The following SYNE1 variants were observed in gnomAD, a reference collection of about 807,000 sequenced individuals.
The protein encoded by SYNE1 is spectrin repeat containing nuclear envelope protein 1.
SYNE1 carries 616 observed loss-of-function variants against 1,111.0 expected under a neutral mutation model. The observed-to-expected ratio is 0.55, with a 90% CI of 0.52 to 0.59. The LOEUF (loss-of-function observed/expected upper bound fraction) is 0.59. Among genes scored for constraint, SYNE1 ranks in the 20% least tolerant of loss-of-function variants. The probability of loss-of-function intolerance (pLI) is 0.00; values close to 1 mark genes in which losing one functional copy is unlikely to be tolerated. For synonymous variants in SYNE1, 3,855 were observed against 3,825.8 expected (o/e 1.01, Z -0.28); for missense variants, 10,006 against 10,417.0 (o/e 0.96, Z 1.72).
chr6:152,445,128 C>A (rs1463538523), intron 29 of SYNE1, among the ~76,000 whole-genome samples: 1 of 151,892 alleles, frequency 6.6e-6, no homozygotes, highest in Non-Finnish European at 1.5e-5. Flanking sequence ...GATAACAAAA[C>A]TGCATATATT....
chr6:152,539,336 T>C (rs1456759249), intron 4 of SYNE1, among the ~76,000 whole-genome samples: 1 of 152,178 alleles, frequency 6.6e-6, no homozygotes, highest in Non-Finnish European at 1.5e-5. Flanking sequence ...TATTTTTTCA[T>C]CAGCAGTACA....
intron 119 of SYNE1, among the ~76,000 whole-genome samples, chr6:152,219,508 C>T (rs58810620): frequency 7.7e-6 from 1 of 130,642 alleles, no homozygotes; most frequent in Non-Finnish European, 1.6e-5. Context: ...AAAAAAAAAA[C>T]AAACATGACC....
chr6:152,609,124 C>G (rs2099624151), intron 3 of SYNE1, among the ~76,000 whole-genome samples: 1 of 151,968 alleles, frequency 6.6e-6, no homozygotes, highest in African/African-American at 2.4e-5. Context: ...GGTTGGACAG[C>G]AGGTGCAGCC....
chr6:152,404,562 A>T (rs1198220714), intron 45 of SYNE1, among the ~76,000 whole-genome samples: 1 of 152,138 alleles, frequency 6.6e-6, no homozygotes, highest in African/African-American at 2.4e-5. Flanking sequence ...ATTAGGAAAA[A>T]AAAACCTCCT....
Position 152,367,286 on chromosome 6 carries a change from T to G in SYNE1, c.9904A>C (p.Met3302Leu). ...GTCGGGTGGCAGTATGAATCCAGCA[T>G]GTGAATCGCATCCGTCATCCAGTCT... ...LQDWMTDAIH[M>L]LDSYCHPTSD... Residue 3302 changes from methionine (M) to leucine (L), a missense_variant, in exon 62 of 146, where the codon ATG (methionine) becomes CTG (leucine). Met to Leu is a conservative substitution (Grantham distance 15, BLOSUM62 2). Coordinates refer to ENST00000367255, the MANE Select transcript of SYNE1 (RefSeq NM_182961.4). The G allele has an allele frequency of 6.2e-7, 1 of 1,614,240 alleles. No homozygotes were observed. The highest frequency in any genetic ancestry group is 8.5e-7 in the Non-Finnish European group (1 of 1,180,042).
intron 4 of SYNE1, among the ~76,000 whole-genome samples, chr6:152,538,050 G>A (rs2099252094): frequency 2.0e-5 from 3 of 152,162 alleles, no homozygotes; most frequent in Admixed American, 2.0e-4. Context: ...GCTCATCACT[G>A]CCATTATTCC....
At chr6:152,439,512 A>G (rs1024853223) in intron 32 of SYNE1, among the ~76,000 whole-genome samples, 3 of 152,202 alleles carry the variant, frequency 2.0e-5, no homozygotes, top group African/African-American at 7.2e-5. Context: ...TACAGGCATG[A>G]GCCATCGTAC....
chr6:152,208,522 C>T (rs1459366489), intron 124 of SYNE1, among the ~76,000 whole-genome samples: 1 of 152,130 alleles, frequency 6.6e-6, no homozygotes, highest in East Asian at 1.9e-4. Flanking sequence ...GCTGCAGGTG[C>T]AACGGGAATA....
intron 101 of SYNE1, among the ~76,000 whole-genome samples, chr6:152,260,771 T>C (rs2091874911): frequency 6.6e-6 from 1 of 151,756 alleles, no homozygotes; most frequent in Admixed American, 6.6e-5. Context: ...AAATTCATAA[T>C]AGAAGCATGC....
At chr6:152,580,992 CT>C (rs2099517364) in intron 3 of SYNE1, among the ~76,000 whole-genome samples, 1 of 152,196 alleles carries the variant, frequency 6.6e-6, no homozygotes, top group African/African-American at 2.4e-5. Flanking sequence ...TTGCTCTTCT[CT>C]TGGCTTCTTA....
At chr6:152,277,962 A>G (rs2153708539) in intron 98 of SYNE1, 127 bp downstream of exon 98, 1 of 980,856 alleles carries the variant, frequency 1.0e-6, no homozygotes, top group Non-Finnish European at 1.6e-6. Context: ...CTAAAATGTC[A>G]GCGTAAAGCA....
chr6:152,510,571 A>G (rs1181371093), intron 7 of SYNE1, among the ~76,000 whole-genome samples, 200 bp from the exon 8 acceptor site: 3 of 152,202 alleles, frequency 2.0e-5, no homozygotes, highest in Admixed American at 6.5e-5. Context: ...CTTACATACA[A>G]TAATCCATAT....
intron 38 of SYNE1, among the ~76,000 whole-genome samples, chr6:152,425,928 A>G (rs908808465): frequency 1.3e-5 from 2 of 152,234 alleles, no homozygotes; most frequent in Admixed American, 6.5e-5. Flanking sequence ...AGAATCAAAG[A>G]AAAACTATTG....
intron 120 of SYNE1, among the ~76,000 whole-genome samples, chr6:152,218,792 T>C (rs966257202): frequency 2.0e-4 from 30 of 152,180 alleles, no homozygotes; most frequent in African/African-American, 7.2e-4. Context: ...GGGGCTTGCA[T>C]CTTAAACCGA....
Position 152,323,468 on chromosome 6 carries a change from G to A in SYNE1, c.15917+10C>T, listed in dbSNP as rs1434685633. On this transcript the variant is annotated intron_variant, in intron 82 of 145. Coordinates refer to ENST00000367255, the MANE Select transcript of SYNE1 (RefSeq NM_182961.4). ...AACAAACAAAAGAATGAAAGTAGGT[G>A]CTTAATTACTTCAGGCACCGATCTT... 18 of 1,611,828 alleles carry A rather than the reference G, an allele frequency of 1.1e-5. No homozygotes were observed. In the Admixed American group the frequency reaches 3.0e-4, roughly 27 times the overall value.
chr6:152,278,172 G>A lies in SYNE1; in HGVS notation c.18490C>T (p.Gln6164Ter). Reference protein sequence around the residue: ...GKAHTKDEAEQLAGKLRRLKG... With the variant: ...GKAHTKDEAE ...AGCCTTCTCAGCTTTCCAGCCAGCTGCTCGGCCTCGTCCTTGGTGTGAGCT... is the reference window on the plus strand; with the variant it reads ...AGCCTTCTCAGCTTTCCAGCCAGCTACTCGGCCTCGTCCTTGGTGTGAGCT... Residue 6164 changes from glutamine to a stop codon, truncating the protein, a stop_gained, in exon 98 of 146, where the codon CAG becomes TAG. Transcript: ENST00000367255. LOFTEE classifies it high-confidence loss of function. 6.2e-7 allele frequency: 1 copy of A among 1,614,140 alleles called. No individual in the cohort carries two copies. The highest frequency in any genetic ancestry group is 1.1e-5 in the South Asian group (1 of 91,080).
rs1382904647 is a variant in SYNE1, at chr6:152,398,730, C to A, written c.7239G>T (p.Glu2413Asp). 5 of 1,609,860 alleles carry A rather than the reference C, an allele frequency of 3.1e-6. No homozygotes were observed. In the South Asian group the frequency reaches 5.6e-5, roughly 18 times the overall value. The change falls in exon 49 of 146, where the codon GAG becomes GAT. Residue 2413 changes from glutamate (E) to aspartate (D), a missense_variant and splice_region_variant. Glu to Asp is a conservative substitution (Grantham distance 45). This residue lies in a region of SYNE1 where 4,955 missense variants were observed against 5,017.2 expected (regional missense o/e 0.99). Transcript: ENST00000367255. ...ACCATTCTTGGAATTCCTGCATAGA[C>A]TCTTTTGAAAGAAAAAATAAATAAA... ...LQESLEKHFS[E>D]SMQEFQEWFL...
At chr6:152,636,076 A>C (rs80174055) in intron 2 of SYNE1, among the ~76,000 whole-genome samples, 4,568 of 152,306 alleles carry the variant, frequency 0.03, 242 homozygotes, top group African/African-American at 0.11. Context: ...ACGTATCTTT[A>C]TAAAGAGGAG....
chr6:152,358,230 T>C, intron 66 of SYNE1, 143 bp downstream of exon 66: 3 of 1,163,570 alleles, frequency 2.6e-6, no homozygotes, highest in African/African-American at 1.5e-5. Flanking sequence ...CAGAATGTTC[T>C]TGATCAAACC....
Sources: gnomAD v4.1 joint callset for allele counts (sites outside exome capture counted in the v4.1 genomes callset) on GRCh38, gnomAD v4.1.1 for gene constraint, gnomAD v4.1.1 regional missense constraint, MANE v1.5 for transcripts, NCBI Gene and HGNC (gene_info 2026-07-23, HGNC 2026-07-21) for gene names.